The following DGKB variants were observed in gnomAD, a reference collection of about 807,000 sequenced individuals.
DGKB encodes the protein 90 kDa diacylglycerol kinase.
DGKB carries 67 observed loss-of-function variants against 114.3 expected under a neutral mutation model. The ratio of observed to expected loss-of-function variants is 0.59; its 90% CI spans 0.48 to 0.72. DGKB has a LOEUF of 0.72. Among genes scored for constraint, DGKB ranks in the 30% least tolerant of loss-of-function variants. DGKB has a pLI of 0.00. For missense variants in DGKB, 907 were observed against 975.2 expected, an observed-to-expected ratio of 0.93 and a Z score of 0.93; for synonymous variants, 398 against 323.1, an observed-to-expected ratio of 1.23 and a Z score of -2.49.
intron 1 of DGKB, among the ~76,000 whole-genome samples, chr7:14,843,539 T>C (rs1370764689): frequency 1.3e-5 from 2 of 151,442 alleles, no homozygotes; most frequent in African/African-American, 2.4e-5. Context: ...TTTCACCTTG[T>C]TAGCCAGGAT....
intron 1 of DGKB, among the ~76,000 whole-genome samples, chr7:14,897,156 C>A (rs941424029): frequency 2.6e-5 from 4 of 151,620 alleles, no homozygotes; most frequent in Non-Finnish European, 5.9e-5. Flanking sequence ...TAAGATGGTA[C>A]TTTAAAAAAA....
chr7:14,577,409 A>T (rs1799295723), intron 19 of DGKB, among the ~76,000 whole-genome samples: 1 of 152,156 alleles, frequency 6.6e-6, no homozygotes, highest in Non-Finnish European at 1.5e-5. Context: ...CGAGGTCAGG[A>T]GATCAAGACC....
chr7:14,206,365 C>G (rs1484282415), intron 23 of DGKB, among the ~76,000 whole-genome samples: 1 of 151,852 alleles, frequency 6.6e-6, no homozygotes, highest in African/African-American at 2.4e-5. Context: ...TCCAGGTGAA[C>G]AAGGAGGTGA....
At chr7:14,236,683 A>G (rs556526666) in intron 23 of DGKB, among the ~76,000 whole-genome samples, 1 of 152,150 alleles carries the variant, frequency 6.6e-6, no homozygotes, top group African/African-American at 2.4e-5. Flanking sequence ...TGAATTATAT[A>G]TTAGAAACAA....
At chr7:14,819,658 A>G (rs544536683) in intron 2 of DGKB, among the ~76,000 whole-genome samples, 4 of 152,318 alleles carry the variant, frequency 2.6e-5, no homozygotes, top group African/African-American at 9.6e-5. Flanking sequence ...ATATGGTACT[A>G]TAATTACCCA....
At chr7:14,228,872 T>C (rs1249287092) in intron 23 of DGKB, among the ~76,000 whole-genome samples, 1 of 116,016 alleles carries the variant, frequency 8.6e-6, no homozygotes, top group African/African-American at 3.9e-5. Context: ...CTACCTAGCA[T>C]CAGTTTTTTT....
intron 1 of DGKB, among the ~76,000 whole-genome samples, chr7:14,953,268 C>G (rs1562900077): frequency 6.6e-6 from 1 of 151,936 alleles, no homozygotes. Flanking sequence ...AACTGAAGCA[C>G]AAACTACTGA....
intron 21 of DGKB, among the ~76,000 whole-genome samples, chr7:14,417,465 A>G (rs1825884794): frequency 6.6e-6 from 1 of 152,088 alleles, no homozygotes; most frequent in Non-Finnish European, 1.5e-5. Flanking sequence ...CCACTAATTC[A>G]GAATATTAAA....
intron 20 of DGKB, among the ~76,000 whole-genome samples, chr7:14,564,325 C>T (rs1797087104): frequency 6.6e-6 from 1 of 152,130 alleles, no homozygotes; most frequent in Non-Finnish European, 1.5e-5. Context: ...CTAAGTAAAG[C>T]TGGGGGTTGA....
chr7:14,368,040 A>T (rs1816985715), intron 21 of DGKB, among the ~76,000 whole-genome samples: 1 of 152,042 alleles, frequency 6.6e-6, no homozygotes, highest in African/African-American at 2.4e-5. Flanking sequence ...TCTTTTTTTA[A>T]TTTTAATTTT....
chr7:14,970,625 A>C (rs1787408934), intron 1 of DGKB, among the ~76,000 whole-genome samples: 1 of 152,140 alleles, frequency 6.6e-6, no homozygotes, highest in Non-Finnish European at 1.5e-5. Flanking sequence ...CCGTGTCATC[A>C]ATCACAAAGT....
chr7:14,545,971 A>G (rs1291534218), intron 20 of DGKB, among the ~76,000 whole-genome samples: 1 of 152,208 alleles, frequency 6.6e-6, no homozygotes, highest in African/African-American at 2.4e-5. Context: ...TAAGGGAACG[A>G]GAGTATTGGC....
At chr7:14,700,778 C>T (rs1424182096) in intron 7 of DGKB, among the ~76,000 whole-genome samples, 1 of 152,106 alleles carries the variant, frequency 6.6e-6, no homozygotes, top group Non-Finnish European at 1.5e-5. Flanking sequence ...ATGTCTATTT[C>T]AGTCATTATT....
rs1379818652 is a variant in DGKB at position 14,418,054 on chromosome 7, A to G, written c.1835+60107T>C. 1.1e-4 allele frequency among the ~76,000 whole-genome samples: 17 copies of G among 150,670 alleles called. No homozygotes were observed. The Admixed American group carries it at 1.1e-3, about 10-fold the overall frequency. ...CTTTCTGTATCTCACTGGTGTTTGTAGGACTCTGTACATCTCTATATTGCT... is the reference window on the plus strand; with the variant it reads ...CTTTCTGTATCTCACTGGTGTTTGTGGGACTCTGTACATCTCTATATTGCT... On this transcript the variant is annotated intron_variant, in intron 21 of 25. Transcript: ENST00000402815.
intron 20 of DGKB, among the ~76,000 whole-genome samples, chr7:14,522,080 C>T (rs1257605662): frequency 2.0e-5 from 3 of 152,088 alleles, no homozygotes; most frequent in Non-Finnish European, 4.4e-5. Flanking sequence ...TTACACATAG[C>T]TTAGCGTTCA....
intron 21 of DGKB, among the ~76,000 whole-genome samples, chr7:14,372,652 A>C (rs1299543425): frequency 6.6e-6 from 1 of 152,090 alleles, no homozygotes; most frequent in Non-Finnish European, 1.5e-5. Flanking sequence ...GATTTCTTAA[A>C]GTGATTAGTT....
At chr7:14,552,128 C>T (rs954467311) in intron 20 of DGKB, among the ~76,000 whole-genome samples, 1 of 151,984 alleles carries the variant, frequency 6.6e-6, no homozygotes, top group East Asian at 1.9e-4. Flanking sequence ...ATTCCCTGAG[C>T]CCTTACTTAT....
intron 20 of DGKB, among the ~76,000 whole-genome samples, chr7:14,530,943 A>G (rs1316260039): frequency 6.6e-6 from 1 of 151,580 alleles, no homozygotes; most frequent in Non-Finnish European, 1.5e-5. Flanking sequence ...AATAACTTAA[A>G]TTTAAACCAA....
At chr7:14,638,235 C>T (rs770460999) in intron 13 of DGKB, among the ~76,000 whole-genome samples, 13 of 152,012 alleles carry the variant, frequency 8.6e-5, no homozygotes, top group African/African-American at 1.4e-4. Flanking sequence ...ACCAGCTTTT[C>T]GAAATTTAGT....
Sources: gnomAD v4.1 joint callset for allele counts (sites outside exome capture counted in the v4.1 genomes callset) on GRCh38, gnomAD v4.1.1 for gene constraint, MANE v1.5 for transcripts, NCBI Gene and HGNC (gene_info 2026-07-23, HGNC 2026-07-21) for gene names.